Variants in PRKCE observed in about 807,000 individuals in gnomAD.
PRKCE encodes protein kinase C epsilon type.
In PRKCE, 16 loss-of-function variants were observed where a neutral mutation model predicts 85.4. That is an observed-to-expected ratio of 0.19 (90% CI 0.13 to 0.28). The LOEUF (loss-of-function observed/expected upper bound fraction) is 0.28. PRKCE is among the 10% of genes least tolerant of loss of function. PRKCE has a pLI of 1.00. For synonymous variants in PRKCE, 388 were observed against 371.5 expected (o/e 1.04, Z -0.51); for missense variants, 573 against 975.2 (o/e 0.59, Z 5.49).
At chr2:46,083,039 C>G (rs183706384) in intron 10 of PRKCE, among the ~76,000 whole-genome samples, 64 of 152,296 alleles carry the variant, frequency 4.2e-4, no homozygotes, top group African/African-American at 1.5e-3. Context: ...CTTCCACCTC[C>G]CGAGCTCAAA....
At chr2:45,976,642 G>A (rs917918400) in intron 3 of PRKCE, 54 bp downstream of exon 3, 65 of 1,577,854 alleles carry the variant, frequency 4.1e-5, no homozygotes, top group African/African-American at 3.8e-4. Context: ...ACAAGATGTC[G>A]GGGATGGGGT....
intron 1 of PRKCE, among the ~76,000 whole-genome samples, chr2:45,768,947 T>G (rs892504585): frequency 1.6e-4 from 24 of 152,358 alleles, no homozygotes; most frequent in Non-Finnish European, 1.5e-5. Flanking sequence ...CAGATATTTA[T>G]GGATCACCTG....
intron 11 of PRKCE, among the ~76,000 whole-genome samples, chr2:46,087,614 G>A (rs891274880): frequency 2.0e-5 from 3 of 152,174 alleles, no homozygotes; most frequent in South Asian, 2.1e-4. Context: ...CATGGGAATC[G>A]ACGCATTTGT....
intron 2 of PRKCE, among the ~76,000 whole-genome samples, chr2:45,860,923 C>A (rs1166088812): frequency 6.6e-6 from 1 of 152,202 alleles, no homozygotes; most frequent in Non-Finnish European, 1.5e-5. Context: ...CTTTGCTGCT[C>A]CTTAACCCGT....
intron 1 of PRKCE, among the ~76,000 whole-genome samples, chr2:45,824,961 G>A (rs1285867593): frequency 6.6e-6 from 1 of 152,214 alleles, no homozygotes; most frequent in Non-Finnish European, 1.5e-5. Flanking sequence ...GGGTTGGAGA[G>A]GTTGGGTGGT....
rs147703631 is a variant in PRKCE, at chr2:45,922,510, C to T, written c.413-53919C>T. On this transcript the variant is annotated intron_variant, in intron 2 of 14. Coordinates refer to ENST00000306156, the MANE Select transcript of PRKCE (RefSeq NM_005400.3). ...CTCCCTGGAATTGTAACCTGTGCCT[C>T]ATTTTGAATTCTTCCTTTAACTTTT... Among the ~76,000 whole-genome samples, 339 of 152,306 alleles carry T rather than the reference C, an allele frequency of 2.2e-3. 2 individuals carry two copies. Among genetic ancestry groups the T allele is most frequent in the African/African-American group, 7.8e-3 (324 of 41,560 alleles).
chr2:45,997,349 T>C (rs1704303718), intron 6 of PRKCE, among the ~76,000 whole-genome samples: 1 of 152,042 alleles, frequency 6.6e-6, no homozygotes, highest in Non-Finnish European at 1.5e-5. Context: ...TCTTTTCTCC[T>C]GCTTACTTTG....
At chr2:45,847,862 T>C (rs767081459) in intron 2 of PRKCE, among the ~76,000 whole-genome samples, 1 of 152,242 alleles carries the variant, frequency 6.6e-6, no homozygotes, top group Non-Finnish European at 1.5e-5. Flanking sequence ...AGATCCCTTT[T>C]CCACTGTGTT....
chr2:46,120,253 C>A (rs1673177686), intron 11 of PRKCE, among the ~76,000 whole-genome samples: 1 of 152,194 alleles, frequency 6.6e-6, no homozygotes, highest in African/African-American at 2.4e-5. Context: ...TGGTTCTCAA[C>A]CACTAGTGGT....
At position 46,007,576 on chromosome 2, in the gene PRKCE, G is replaced by A; in HGVS notation, c.1178G>A (p.Gly393Asp). The change falls in exon 9 of 15, where the codon GGC becomes GAC. Residue 393 changes from glycine (G) to aspartate (D), a missense_variant. This residue lies in a region of PRKCE where 117 missense variants were observed against 104.8 expected (regional missense o/e 1.12). Transcript: ENST00000306156. The part of the protein sequence containing the change: ...DGQLMSPGEN[G>D]EVRQGQAKRL... The stretch of plus-strand genomic sequence containing the variant: ...CAGCTGATGAGCCCCGGTGAGAATG[G>A]CGAAGTCCGGCAAGGCCAGGCCAAG... 1.3e-6 allele frequency: 2 copies of A among 1,599,802 alleles called. No homozygotes were observed. Among genetic ancestry groups the A allele is most frequent in the South Asian group, 1.1e-5 (1 of 91,084 alleles).
intron 1 of PRKCE, among the ~76,000 whole-genome samples, chr2:45,756,475 C>G (rs1228147066): frequency 6.6e-6 from 1 of 152,204 alleles, no homozygotes; most frequent in Non-Finnish European, 1.5e-5. Flanking sequence ...TGTGATCCAG[C>G]CATTTCACTC....
intron 14 of PRKCE, among the ~76,000 whole-genome samples, chr2:46,173,401 G>A (rs1679113882): frequency 6.6e-6 from 1 of 152,168 alleles, no homozygotes; most frequent in Non-Finnish European, 1.5e-5. Context: ...TTGCTCCAGG[G>A]GTGGGAACCC....
At chr2:45,929,676 G>A (rs1249348664) in intron 2 of PRKCE, among the ~76,000 whole-genome samples, 1 of 152,104 alleles carries the variant, frequency 6.6e-6, no homozygotes, top group Non-Finnish European at 1.5e-5. Flanking sequence ...ATTTTTGTAA[G>A]CATTGCAGGG....
intron 1 of PRKCE, among the ~76,000 whole-genome samples, chr2:45,778,522 C>T (rs1685935146): frequency 6.6e-6 from 1 of 152,082 alleles, no homozygotes; most frequent in Non-Finnish European, 1.5e-5. Context: ...TGAGATGGTC[C>T]CACTACTTTC....
intron 11 of PRKCE, among the ~76,000 whole-genome samples, chr2:46,092,886 G>C (rs1229661374): frequency 6.6e-6 from 1 of 152,210 alleles, no homozygotes; most frequent in Non-Finnish European, 1.5e-5. Context: ...AAGGTCTTTA[G>C]TTAAACCTGA....
At chr2:45,694,012 C>T (rs1677947409) in intron 1 of PRKCE, among the ~76,000 whole-genome samples, 2 of 151,794 alleles carry the variant, frequency 1.3e-5, no homozygotes, top group Non-Finnish European at 2.9e-5. Flanking sequence ...GTCACTCTTC[C>T]AGCCACCTTA....
intron 10 of PRKCE, among the ~76,000 whole-genome samples, chr2:46,025,615 C>G (rs192413595): frequency 1.3e-5 from 2 of 152,200 alleles, no homozygotes; most frequent in African/African-American, 4.8e-5. Flanking sequence ...TGCTCCCTCT[C>G]TCTCCCTTGC....
chr2:45,835,002 G>C (rs1396396523), intron 1 of PRKCE, among the ~76,000 whole-genome samples: 2 of 152,224 alleles, frequency 1.3e-5, no homozygotes, highest in Non-Finnish European at 2.9e-5. Context: ...TTGATCACAG[G>C]AGACAGGAGA....
intron 1 of PRKCE, among the ~76,000 whole-genome samples, chr2:45,827,651 T>C (rs1197467329): frequency 6.6e-6 from 1 of 152,230 alleles, no homozygotes; most frequent in Admixed American, 6.5e-5. Flanking sequence ...TAAAAGCCAG[T>C]TGGACAGTTT....
Sources: allele counts gnomAD v4.1 joint callset (sites outside exome capture counted in the v4.1 genomes callset), GRCh38; gene constraint gnomAD v4.1.1; regional missense constraint gnomAD v4.1.1; transcripts MANE v1.5; gene names NCBI Gene and HGNC (gene_info 2026-07-23, HGNC 2026-07-21).